Variants in TMEM132D observed in about 807,000 individuals in gnomAD.
TMEM132D encodes transmembrane protein 132D, also known as mature OL transmembrane protein.
In TMEM132D, 21 loss-of-function variants were observed where a neutral mutation model predicts 62.3. The ratio of observed to expected loss-of-function variants is 0.34; its 90% CI spans 0.24 to 0.49. The LOEUF is 0.49. Among genes scored for constraint, TMEM132D ranks in the 20% least tolerant of loss-of-function variants. The probability of loss-of-function intolerance (pLI) is 0.99; values close to 1 mark genes in which losing one functional copy is unlikely to be tolerated. For synonymous variants in TMEM132D, 621 were observed against 575.6 expected, an observed-to-expected ratio of 1.08 and a Z score of -1.13; for missense variants, 1,346 against 1,402.8, an observed-to-expected ratio of 0.96 and a Z score of 0.65.
intron 4 of TMEM132D, among the ~76,000 whole-genome samples, chr12:129,229,258 G>A (rs1879570488): frequency 6.6e-6 from 1 of 152,214 alleles, no homozygotes. Context: ...TGATTTATCA[G>A]TCTCCTTGAT....
intron 3 of TMEM132D, among the ~76,000 whole-genome samples, chr12:129,443,093 G>T (rs1566070125): frequency 6.6e-6 from 1 of 152,116 alleles, no homozygotes; most frequent in Non-Finnish European, 1.5e-5. Flanking sequence ...TCCCCTTGGG[G>T]TCGGCTGAGG....
intron 5 of TMEM132D, among the ~76,000 whole-genome samples, chr12:129,107,098 G>A (rs1875525516): frequency 6.6e-6 from 1 of 152,212 alleles, no homozygotes. Flanking sequence ...ACACAAGAAA[G>A]AGGTGATGAA....
intron 1 of TMEM132D, among the ~76,000 whole-genome samples, chr12:129,707,152 A>AT (rs1555226583): frequency 6.8e-6 from 1 of 147,400 alleles, no homozygotes; most frequent in African/African-American, 2.5e-5. Flanking sequence ...CATTAGGAAA[A>AT]ATATATATAT....
chr12:129,850,409 C>T (rs1873502529), intron 1 of TMEM132D, among the ~76,000 whole-genome samples: 2 of 152,126 alleles, frequency 1.3e-5, no homozygotes, highest in Non-Finnish European at 2.9e-5. Flanking sequence ...GTTCCAAGTT[C>T]ACGGGAAACT....
In TMEM132D at chr12:129,088,999, T is replaced by C. The variant is rs373554213; in HGVS notation, c.1444-4297A>G. Among the ~76,000 whole-genome samples, 32 of 23,952 alleles carry C rather than the reference T, an allele frequency of 1.3e-3. 5 individuals carry two copies. The highest frequency in any genetic ancestry group is 1.8e-3 in the African/African-American group (5 of 2,716). 15.7% of individuals were successfully genotyped at this position (23,952 alleles called of 152,430 possible). ...TGTCCTCCATGACCGGGGTGTCCTC[T>C]ATGACCGGGATGTCCTCCATGACCG... On this transcript the variant is annotated intron_variant, in intron 5 of 8. Transcript: ENST00000422113.
chr12:129,199,237 A>G (rs1878629353), intron 5 of TMEM132D, among the ~76,000 whole-genome samples: 1 of 151,256 alleles, frequency 6.6e-6, no homozygotes, highest in Admixed American at 6.6e-5. Flanking sequence ...AGTGTCCTTA[A>G]TAGCTAGGAT....
rs780885403 is a variant in TMEM132D, at chr12:129,082,024, C to T, written c.1658G>A (p.Gly553Glu). Residue 553 changes from glycine to glutamate, a missense_variant, in exon 7 of 9, where the codon GGG becomes GAG. Transcript: ENST00000422113. Reference sequence around the variant, plus strand: ...ATCATCCTCCTCCTCTTCACTGTCCCCGGCAGGCCTGTGAAAGAAGCAGTG... The same window carrying T: ...ATCATCCTCCTCCTCTTCACTGTCCTCGGCAGGCCTGTGAAAGAAGCAGTG... ...VPIVSSRRPA[G>E]DSEEEEDDER... 1 of 1,602,734 alleles carries T rather than the reference C, an allele frequency of 6.2e-7. No individual in the cohort carries two copies. Among genetic ancestry groups the T allele is most frequent in the Non-Finnish European group, 8.5e-7 (1 of 1,172,460 alleles).
chr12:129,330,165 T>A (rs1869058213), intron 4 of TMEM132D, among the ~76,000 whole-genome samples: 1 of 152,166 alleles, frequency 6.6e-6, no homozygotes, highest in Non-Finnish European at 1.5e-5. Flanking sequence ...AGGAAGGAAC[T>A]CAGCATTCAA....
intron 4 of TMEM132D, among the ~76,000 whole-genome samples, chr12:129,246,521 C>T (rs901130486): frequency 9.2e-5 from 14 of 152,012 alleles, no homozygotes; most frequent in Admixed American, 3.3e-4. Context: ...TTTGGGAGGC[C>T]GAGGCAGGTG....
chr12:129,469,564 C>A (rs867597230), intron 3 of TMEM132D, among the ~76,000 whole-genome samples: 4 of 152,108 alleles, frequency 2.6e-5, no homozygotes, highest in African/African-American at 9.7e-5. Context: ...ATGTACAGTC[C>A]ATCCATCACT....
chr12:129,311,645 G>A (rs1472054220), intron 4 of TMEM132D, among the ~76,000 whole-genome samples: 1 of 152,188 alleles, frequency 6.6e-6, no homozygotes, highest in African/African-American at 2.4e-5. Flanking sequence ...CCACATGACG[G>A]GAAATACAAT....
chr12:129,159,928 G>A (rs1486054594), intron 5 of TMEM132D, among the ~76,000 whole-genome samples: 1 of 152,106 alleles, frequency 6.6e-6, no homozygotes, highest in Non-Finnish European at 1.5e-5. Context: ...ATCTGTTTCT[G>A]TACAACAGTT....
intron 3 of TMEM132D, among the ~76,000 whole-genome samples, chr12:129,364,153 T>C (rs1411932519): frequency 6.6e-6 from 1 of 152,212 alleles, no homozygotes; most frequent in African/African-American, 2.4e-5. Context: ...GTTGAGTAAA[T>C]GGACTTTAGA....
At chr12:129,259,502 G>T (rs1325778438) in intron 4 of TMEM132D, among the ~76,000 whole-genome samples, 1 of 152,212 alleles carries the variant, frequency 6.6e-6, no homozygotes, top group Non-Finnish European at 1.5e-5. Context: ...AGGGAGGCAG[G>T]ATCCAGACCG....
intron 3 of TMEM132D, among the ~76,000 whole-genome samples, chr12:129,428,107 A>G (rs1872550378): frequency 6.6e-6 from 1 of 152,226 alleles, no homozygotes; most frequent in Non-Finnish European, 1.5e-5. Flanking sequence ...CAAGCAAACA[A>G]AAACAAAAGA....
intron 3 of TMEM132D, among the ~76,000 whole-genome samples, chr12:129,513,765 G>A (rs1332324112): frequency 1.3e-5 from 2 of 150,848 alleles, no homozygotes; most frequent in East Asian, 2.0e-4. Flanking sequence ...GATTACAGGC[G>A]TGAGCCACCG....
intron 1 of TMEM132D, among the ~76,000 whole-genome samples, chr12:129,831,875 TC>T (rs1431410889): frequency 2.0e-5 from 1 of 49,920 alleles, no homozygotes; most frequent in Admixed American, 2.8e-4. Flanking sequence ...TCTTTCTTTT[TC>T]TTTTTTTTTT....
intron 2 of TMEM132D, among the ~76,000 whole-genome samples, chr12:129,618,442 T>C (rs1448110938): frequency 6.6e-6 from 1 of 152,220 alleles, no homozygotes; most frequent in Non-Finnish European, 1.5e-5. Flanking sequence ...TTTTGCACTA[T>C]GGTTTTGTAC....
At position 129,074,465 on chromosome 12, in the gene TMEM132D, T is replaced by G. The variant is rs1874181469; in HGVS notation, c.2710A>C (p.Asn904His). 1 of 1,614,168 alleles carries G rather than the reference T, an allele frequency of 6.2e-7. No individual in the cohort carries two copies. The highest frequency in any genetic ancestry group is 8.5e-7 in the Non-Finnish European group (1 of 1,180,048). ...CCTTTGGATGCCTGCATAAGGTCAT[T>G]CCCATCCATTTCCCCATTGCTTCTG... ...LPRSNGEMDGNDLMQASKGLS... is the reference protein window; with the variant it reads ...LPRSNGEMDGHDLMQASKGLS... The change falls in exon 9 of 9, where the codon AAT (asparagine) becomes CAT (histidine). Residue 904 changes from asparagine to histidine, a missense_variant. Coordinates refer to ENST00000422113, the MANE Select transcript of TMEM132D (RefSeq NM_133448.3).
Sources: gnomAD v4.1 joint callset for allele counts (sites outside exome capture counted in the v4.1 genomes callset) on GRCh38, gnomAD v4.1.1 for gene constraint, MANE v1.5 for transcripts, NCBI Gene and HGNC (gene_info 2026-07-23, HGNC 2026-07-21) for gene names.